The following MKKS variants were observed in gnomAD, a reference collection of about 807,000 sequenced individuals.
MKKS encodes molecular chaperone MKKS.
A neutral mutation model predicts 33.2 loss-of-function variants in MKKS; 29 were observed. That is an observed-to-expected ratio of 0.87 (90% CI 0.65 to 1.19). MKKS has a LOEUF of 1.19. Ranked by LOEUF, MKKS falls within the 50% of genes most tolerant of loss-of-function variation. The pLI is 0.00. For missense variants in MKKS, 661 were observed against 662.3 expected (o/e 1.00, Z 0.02); for synonymous variants, 260 against 244.0 (o/e 1.07, Z -0.61).
rs760185677 is a variant in MKKS at position 10,412,806 on chromosome 20, T to C, written c.709A>G (p.Thr237Ala). Reference protein sequence around the residue: ...LMRLLPIKKSTALKVALFCTT... With the variant: ...LMRLLPIKKSAALKVALFCTT... ...CAAAAGAGTGCCACCTTGAGGGCAG[T>C]TGATTTTTTGATAGGTAATAGCCTC... Residue 237 changes from threonine to alanine, a missense_variant, in exon 3 of 6, where the codon ACT becomes GCT. Physicochemically the swap from Thr to Ala is moderately conservative, Grantham distance 58. Transcript: ENST00000347364. 9.9e-6 allele frequency: 16 copies of C among 1,614,100 alleles called. No individual in the cohort carries two copies. The highest frequency in any genetic ancestry group is 2.2e-5 in the East Asian group (1 of 44,900).
chr20:10,409,624 TCA>T (rs1321383787), intron 3 of MKKS, among the ~76,000 whole-genome samples: 1 of 152,136 alleles, frequency 6.6e-6, no homozygotes, highest in Non-Finnish European at 1.5e-5. Context: ...TCCTTTTCTT[TCA>T]GACTCACCTT....
rs755716827 is a variant in MKKS at position 10,407,615 on chromosome 20, C to T, written c.1272+1G>A. On this transcript the variant is annotated splice_donor_variant, in intron 5 of 5. Coordinates refer to ENST00000347364, the MANE Select transcript of MKKS (RefSeq NM_170784.3). LOFTEE classifies it high-confidence loss of function. Reference sequence around the variant, plus strand: ...AATCCGAAGAGGATTATCTTACATACCTTGTGTCTGATATATGCAGCCAAA... The same window carrying T: ...AATCCGAAGAGGATTATCTTACATATCTTGTGTCTGATATATGCAGCCAAA... 1 of 1,612,114 alleles carries T rather than the reference C, an allele frequency of 6.2e-7. No individual in the cohort carries two copies. The highest frequency in any genetic ancestry group is 8.5e-7 in the Non-Finnish European group (1 of 1,178,274).
Position 10,405,481 on chromosome 20 carries a change from C to CA in MKKS, c.1478dup (p.Leu493PhefsTer12). The CA allele has an allele frequency of 6.2e-7, 1 of 1,614,172 alleles. No individual in the cohort carries two copies. Among genetic ancestry groups the CA allele is most frequent in the Non-Finnish European group, 8.5e-7 (1 of 1,180,040 alleles). On this transcript the variant is annotated frameshift_variant, in exon 6 of 6. Transcript: ENST00000347364. LOFTEE classifies it high-confidence loss of function. Reference sequence around the variant, plus strand: ...ATAATCCACAGCCACACTGTGAAAGCAAATCTGGCCAGTTAGCAACACAGG... The same window carrying CA: ...ATAATCCACAGCCACACTGTGAAAGCAAAATCTGGCCAGTTAGCAACACAGG...
intron 1 of MKKS, among the ~76,000 whole-genome samples, chr20:10,432,884 A>C (rs2065064270): frequency 6.6e-6 from 1 of 151,906 alleles, no homozygotes; most frequent in Admixed American, 6.6e-5. Context: ...GCTACTTATA[A>C]TACCTAATAC....
At chr20:10,410,614 T>A (rs2064877015) in intron 3 of MKKS, among the ~76,000 whole-genome samples, 1 of 151,786 alleles carries the variant, frequency 6.6e-6, no homozygotes, top group Non-Finnish European at 1.5e-5. Context: ...GGCGATAGAG[T>A]GAGACTCCAC....
At chr20:10,417,013 T>C (rs919696542) in intron 2 of MKKS, among the ~76,000 whole-genome samples, 1 of 152,114 alleles carries the variant, frequency 6.6e-6, no homozygotes, top group African/African-American at 2.4e-5. Flanking sequence ...GTTACAGCAA[T>C]GATAATGAAT....
intron 3 of MKKS, 26 bp downstream of exon 3, chr20:10,412,504 A>C (rs1450025402): frequency 1.2e-6 from 2 of 1,610,096 alleles, no homozygotes; most frequent in Admixed American, 3.3e-5. Context: ...TAACTGTAAG[A>C]GGCAAAAGCA....
rs749216339 is a variant in MKKS at position 10,413,181 on chromosome 20, T to A, written c.334A>T (p.Thr112Ser). The change falls in exon 3 of 6, where the codon ACA becomes TCA. Residue 112 changes from threonine to serine, a missense_variant. Thr to Ser is a moderately conservative substitution (Grantham distance 58). Coordinates refer to ENST00000347364, the MANE Select transcript of MKKS (RefSeq NM_170784.3). ...TTTAATCTAATGACAGTGGTGGGTG[T>A]CAAGCCTAATCTCTGAACATTTTCA... ...LIENVQRLGL[T>S]PTTVIRLNKH... 5 of 1,614,186 alleles carry A rather than the reference T, an allele frequency of 3.1e-6. No homozygotes were observed. Among genetic ancestry groups the A allele is most frequent in the Non-Finnish European group, 4.2e-6 (5 of 1,180,050 alleles).
At chr20:10,412,229 G>C (rs1283328054) in intron 3 of MKKS, among the ~76,000 whole-genome samples, 2 of 152,192 alleles carry the variant, frequency 1.3e-5, no homozygotes. Context: ...TTTGTGTAAA[G>C]TATGAAAGAC....
chr20:10,432,429 G>A (rs1348039412), intron 1 of MKKS, among the ~76,000 whole-genome samples: 1 of 152,162 alleles, frequency 6.6e-6, no homozygotes, highest in African/African-American at 2.4e-5. Context: ...TCACCCCTCA[G>A]TATTTGGGGG....
chr20:10,408,894 A>G, intron 3 of MKKS, 91 bp from the exon 4 acceptor site: 3 of 908,386 alleles, frequency 3.3e-6, no homozygotes, highest in Non-Finnish European at 5.1e-6. Flanking sequence ...GCCAACATAA[A>G]AGCCCCACAA....
intron 2 of MKKS, among the ~76,000 whole-genome samples, chr20:10,417,882 A>G (rs979992823): frequency 6.6e-6 from 1 of 152,228 alleles, no homozygotes; most frequent in African/African-American, 2.4e-5. Flanking sequence ...TGACAAGATG[A>G]GGAAGCAATC....
At chr20:10,432,820 GTA>G (rs1156664469) in intron 1 of MKKS, among the ~76,000 whole-genome samples, 1 of 115,260 alleles carries the variant, frequency 8.7e-6, no homozygotes, top group Non-Finnish European at 2.0e-5. Context: ...AAAAAATCGT[GTA>G]GTTTTGTACA....
intron 1 of MKKS, among the ~76,000 whole-genome samples, chr20:10,425,360 T>A (rs746010899): frequency 6.6e-6 from 1 of 152,264 alleles, no homozygotes; most frequent in African/African-American, 2.4e-5. Context: ...TTGCAAAATA[T>A]GCTATGGCAA....
At chr20:10,411,815 T>C (rs368339783) in intron 3 of MKKS, among the ~76,000 whole-genome samples, 1 of 152,242 alleles carries the variant, frequency 6.6e-6, no homozygotes, top group East Asian at 1.9e-4. Context: ...TCAGGAACTC[T>C]TCAGCTTGTC....
Position 10,404,406 on chromosome 20 carries a change from AG to A in MKKS, c.*840del, listed in dbSNP as rs2064827150. On this transcript the variant is annotated 3_prime_UTR_variant, in exon 6 of 6. Transcript: ENST00000347364. ...AAACATTTTTGGTTGTCACAACAGG[AG>A]GGTGCTACTGGCATCTAGTGTGCAG... 1 of 151,198 alleles carries A rather than the reference AG, an allele frequency of 6.6e-6. No individual in the cohort carries two copies. The highest frequency in any genetic ancestry group is 2.4e-5 in the African/African-American group (1 of 41,036). 9.4% of individuals were successfully genotyped at this position (151,198 alleles called of 1,614,324 possible).
At chr20:10,409,977 CAAAAAAAAAAAAA>C (rs58776463) in intron 3 of MKKS, among the ~76,000 whole-genome samples, 4 of 54,232 alleles carry the variant, frequency 7.4e-5, no homozygotes, top group Admixed American at 3.3e-4. Flanking sequence ...GACTTTGTCT[CAAAAAAAAAAAAA>C]AAAAAAAAAA....
chr20:10,412,769 G>A lies in MKKS; in HGVS notation c.746C>T (p.Ser249Phe). ...LKVALFCTTL[S>F]GDTSDTGEGT... ...TTCTCCAGTGTCAGAAGTGTCTCCG[G>A]ATAAAGTTGTACAAAAGAGTGCCAC... Residue 249 changes from serine (S) to phenylalanine (F), a missense_variant, in exon 3 of 6, where the codon TCC (serine) becomes TTC (phenylalanine). By Grantham distance (155) the Ser-to-Phe change is radical. Coordinates refer to ENST00000347364, the MANE Select transcript of MKKS (RefSeq NM_170784.3). 1 of 1,614,134 alleles carries A rather than the reference G, an allele frequency of 6.2e-7. No homozygotes were observed. The highest frequency in any genetic ancestry group is 8.5e-7 in the Non-Finnish European group (1 of 1,180,024).
chr20:10,403,246 T>C lies in MKKS; in HGVS notation c.*2001A>G, dbSNP rs1234742077. The stretch of plus-strand genomic sequence containing the variant: ...ACAAACTCATCTTTTTACCACCAAA[T>C]ATCAGAAGTGATATCCTGTCCCTTC... On this transcript the variant is annotated 3_prime_UTR_variant, in exon 6 of 6. Coordinates refer to ENST00000347364, the MANE Select transcript of MKKS (RefSeq NM_170784.3). The C allele has an allele frequency of 6.6e-6, 1 of 152,190 alleles. No homozygotes were observed. The highest frequency in any genetic ancestry group is 1.5e-5 in the Non-Finnish European group (1 of 68,056). The allele number at this position is 152,190 out of a possible 1,614,324, so 9.4% of individuals were successfully genotyped here.
Sources: gnomAD v4.1 joint callset for allele counts (sites outside exome capture counted in the v4.1 genomes callset) on GRCh38, gnomAD v4.1.1 for gene constraint, MANE v1.5 for transcripts, NCBI Gene and HGNC (gene_info 2026-07-23, HGNC 2026-07-21) for gene names.